STK32B: variants seen among roughly 807,000 people sequenced by gnomAD.
STK32B encodes serine/threonine-protein kinase 32B.
Under a neutral mutation model 52.6 loss-of-function variants are expected in STK32B, and 43 were observed. The observed-to-expected ratio is 0.82, with a 90% CI of 0.64 to 1.05. The LOEUF (loss-of-function observed/expected upper bound fraction) is 1.05, where lower values mean the gene tolerates loss of function less well. STK32B is among the 50% of genes least tolerant of loss of function. The probability of loss-of-function intolerance (pLI) is 0.00; values close to 1 mark genes in which losing one functional copy is unlikely to be tolerated. For missense variants in STK32B, 621 were observed against 534.6 expected (o/e 1.16, Z -1.59); for synonymous variants, 238 against 204.3 (o/e 1.17, Z -1.41).
intron 3 of STK32B, among the ~76,000 whole-genome samples, chr4:5,243,855 G>A (rs1174589551): frequency 6.6e-6 from 1 of 152,072 alleles, no homozygotes; most frequent in Non-Finnish European, 1.5e-5. Context: ...TTTTGTCTTT[G>A]GTTCTGTTTA....
In STK32B at chr4:5,108,558, A is replaced by G. The variant is rs149820087; in HGVS notation, c.53-31347A>G. Among the ~76,000 whole-genome samples, 737 of 152,306 alleles carry G rather than the reference A, an allele frequency of 4.8e-3. 3 individuals carry two copies. Among genetic ancestry groups the G allele is most frequent in the African/African-American group, 0.016 (664 of 41,558 alleles). On this transcript the variant is annotated intron_variant, in intron 1 of 11. Coordinates refer to ENST00000282908, the MANE Select transcript of STK32B (RefSeq NM_018401.3). ...TAATTTTGTCGTTTTTAATATTTCAATGGAAGAGTTCTCCATTGAGGCCAT... is the reference window on the plus strand; with the variant it reads ...TAATTTTGTCGTTTTTAATATTTCAGTGGAAGAGTTCTCCATTGAGGCCAT...
chr4:5,375,910 A>G (rs1209403491), intron 4 of STK32B, among the ~76,000 whole-genome samples: 1 of 152,132 alleles, frequency 6.6e-6, no homozygotes, highest in Non-Finnish European at 1.5e-5. Context: ...GGTTGGAGAC[A>G]CCACTCACAG....
At chr4:5,125,685 C>T (rs1715321268) in intron 1 of STK32B, among the ~76,000 whole-genome samples, 1 of 152,198 alleles carries the variant, frequency 6.6e-6, no homozygotes, top group South Asian at 2.1e-4. Context: ...GTTTTCCTCT[C>T]TACTCTCATC....
chr4:5,207,058 G>A (rs1257043839), intron 3 of STK32B, among the ~76,000 whole-genome samples: 1 of 152,132 alleles, frequency 6.6e-6, no homozygotes, highest in African/African-American at 2.4e-5. Flanking sequence ...TTTAGTAAGT[G>A]GAGTCCTGTT....
intron 9 of STK32B, among the ~76,000 whole-genome samples, chr4:5,463,436 C>T (rs1717184386): frequency 6.6e-6 from 1 of 151,860 alleles, no homozygotes. Flanking sequence ...CTCCTCAGCC[C>T]CTCTCCTGCA....
intron 11 of STK32B, among the ~76,000 whole-genome samples, chr4:5,472,189 C>T (rs148030824): frequency 0.015 from 2,236 of 152,300 alleles, 25 homozygotes; most frequent in Non-Finnish European, 0.024. Context: ...CTGGGCCTCA[C>T]ACAGAAGTGA....
intron 3 of STK32B, among the ~76,000 whole-genome samples, chr4:5,247,362 C>A (rs1439781829): frequency 1.3e-5 from 2 of 152,192 alleles, no homozygotes; most frequent in Non-Finnish European, 2.9e-5. Context: ...AGGCGTAGGA[C>A]CCTCTGAGCC....
At chr4:5,249,113 G>C (rs557362360) in intron 3 of STK32B, among the ~76,000 whole-genome samples, 8 of 152,102 alleles carry the variant, frequency 5.3e-5, no homozygotes, top group African/African-American at 1.4e-4. Context: ...ATGCCTTTCT[G>C]TATCAATACT....
At chr4:5,341,242 C>T (rs1425035409) in intron 4 of STK32B, among the ~76,000 whole-genome samples, 1 of 152,154 alleles carries the variant, frequency 6.6e-6, no homozygotes, top group African/African-American at 2.4e-5. Flanking sequence ...AAGCCTCTAA[C>T]CCAAGGTCAC....
intron 3 of STK32B, among the ~76,000 whole-genome samples, chr4:5,257,803 T>G (rs928615063): frequency 6.6e-6 from 1 of 152,124 alleles, no homozygotes; most frequent in African/African-American, 2.4e-5. Context: ...ATTAGCTCTG[T>G]GTGGCGGCAT....
chr4:5,384,154 G>A (rs1251813039), intron 4 of STK32B, among the ~76,000 whole-genome samples: 2 of 152,190 alleles, frequency 1.3e-5, no homozygotes, highest in African/African-American at 4.8e-5. Context: ...GATGGAGGGG[G>A]TAGGCCCAGC....
intron 3 of STK32B, among the ~76,000 whole-genome samples, chr4:5,205,968 AG>A (rs1722550638): frequency 6.6e-6 from 1 of 152,192 alleles, no homozygotes; most frequent in South Asian, 2.1e-4. Flanking sequence ...CAAGGTCAAA[AG>A]GAATATTCTT....
intron 2 of STK32B, among the ~76,000 whole-genome samples, chr4:5,141,602 G>A (rs1387397970): frequency 6.6e-6 from 1 of 152,208 alleles, no homozygotes. Flanking sequence ...GTGGAGAATA[G>A]CCTGGGAGGG....
rs1329396505 is a variant in STK32B, at chr4:5,378,664, T to G, written c.435-19543T>G. Among the ~76,000 whole-genome samples the G allele has an allele frequency of 6.6e-6, 1 of 152,192 alleles. No homozygotes were observed. The highest frequency in any genetic ancestry group is 1.5e-5 in the Non-Finnish European group (1 of 68,032). ...ATATGTATGGGGTACATGAGATGTT[T>G]TGATACAGACATGCAGTGTGAAATA... On this transcript the variant is annotated intron_variant, in intron 4 of 11. Transcript: ENST00000282908. The surrounding 1 kb of genome is among the most constrained non-coding windows in gnomAD (Gnocchi z 4.4).
intron 3 of STK32B, among the ~76,000 whole-genome samples, chr4:5,194,379 G>A (rs1721477292): frequency 6.6e-6 from 1 of 152,224 alleles, no homozygotes; most frequent in South Asian, 2.1e-4. Context: ...TGGAAGAAAT[G>A]AGGAGCCATC....
chr4:5,132,193 G>C (rs1577090616), intron 1 of STK32B, among the ~76,000 whole-genome samples: 1 of 152,138 alleles, frequency 6.6e-6, no homozygotes, highest in East Asian at 1.9e-4. Flanking sequence ...ATTTAGGTTG[G>C]TTCTAGGTCT....
chr4:5,250,960 C>T (rs1038213345), intron 3 of STK32B, among the ~76,000 whole-genome samples: 2 of 152,110 alleles, frequency 1.3e-5, no homozygotes, highest in African/African-American at 4.8e-5. Context: ...GGATATTAGA[C>T]CTTTGTCAGA....
the STK32B span, among the ~76,000 whole-genome samples, chr4:5,037,741 A>G: frequency 6.6e-5 from 10 of 152,330 alleles, no homozygotes; most frequent in South Asian, 2.1e-3. Flanking sequence ...TGAAGACTCA[A>G]AGATTAAAAT....
intron 4 of STK32B, among the ~76,000 whole-genome samples, chr4:5,376,385 C>T (rs1437437210): frequency 1.3e-5 from 2 of 152,008 alleles, no homozygotes; most frequent in South Asian, 2.1e-4. Flanking sequence ...CCTGCCAGGA[C>T]ACTTTCTCTC....
Sources: allele counts gnomAD v4.1 joint callset (sites outside exome capture counted in the v4.1 genomes callset), GRCh38; gene constraint gnomAD v4.1.1; non-coding constraint Gnocchi (gnomAD v3.1); transcripts MANE v1.5; gene names NCBI Gene and HGNC (gene_info 2026-07-23, HGNC 2026-07-21).